Variants in ADD2 observed in about 807,000 individuals in gnomAD.
ADD2 encodes the protein adducin 2.
ADD2 carries 23 observed loss-of-function variants against 83.0 expected under a neutral mutation model. The observed-to-expected ratio is 0.28, with a 90% CI of 0.20 to 0.39. The LOEUF is 0.39. ADD2 is among the 10% of genes least tolerant of loss of function. ADD2 has a pLI of 1.00. For missense variants in ADD2, 758 were observed against 944.9 expected (o/e 0.80, Z 2.59); for synonymous variants, 375 against 375.4 (o/e 1.00, Z 0.01).
chr2:70,729,591 T>A (rs1673179591), intron 1 of ADD2, among the ~76,000 whole-genome samples: 1 of 152,182 alleles, frequency 6.6e-6, no homozygotes, highest in African/African-American at 2.4e-5. Flanking sequence ...TGGCCTGGGT[T>A]TCTCAGTTTC....
At chr2:70,718,550 C>A (rs782683327) in intron 1 of ADD2, among the ~76,000 whole-genome samples, 148 of 152,224 alleles carry the variant, frequency 9.7e-4, no homozygotes, top group Non-Finnish European at 3.7e-4. Flanking sequence ...GGAAGGGAGA[C>A]TGGAAACCTT....
chr2:70,767,948 G>A lies in ADD2; in HGVS notation c.-216C>T. On this transcript the variant is annotated 5_prime_UTR_variant, in exon 1 of 16. Coordinates refer to ENST00000264436, the MANE Select transcript of ADD2 (RefSeq NM_001617.4). ...TGCGGGTTGGTTTTGTTATTTTATG[G>A]GTTTGGGGGGTGGGGTGCGCTTAAA... 6.5e-7 allele frequency: 1 copy of A among 1,535,868 alleles called. No individual in the cohort carries two copies. Among genetic ancestry groups the A allele is most frequent in the South Asian group, 1.2e-5 (1 of 84,046 alleles).
chr2:70,706,252 G>A lies in ADD2; in HGVS notation c.157C>T (p.Arg53Cys), dbSNP rs1558546892. 1 of 1,614,040 alleles carries A rather than the reference G, an allele frequency of 6.2e-7. No individual in the cohort carries two copies. Among genetic ancestry groups the A allele is most frequent in the South Asian group, 1.1e-5 (1 of 91,070 alleles). The change falls in exon 3 of 16, where the codon CGC becomes TGC. Residue 53 changes from arginine to cysteine, a missense_variant. By Grantham distance (180) the Arg-to-Cys change is radical. Coordinates refer to ENST00000264436, the MANE Select transcript of ADD2 (RefSeq NM_001617.4). The surrounding 1 kb of genome is among the most constrained non-coding windows in gnomAD (Gnocchi z 5.0). Reference protein sequence around the residue: ...QDFNLMEQKKRVTMILQSPSF... With the variant: ...QDFNLMEQKKCVTMILQSPSF... ...GGACTCTGCAGGATCATGGTGACGCGCTTCTTCTGCTCCATCAGGTTGAAG... is the reference window on the plus strand; with the variant it reads ...GGACTCTGCAGGATCATGGTGACGCACTTCTTCTGCTCCATCAGGTTGAAG...
At chr2:70,730,441 T>G (rs1553379063) in intron 1 of ADD2, among the ~76,000 whole-genome samples, 1 of 152,236 alleles carries the variant, frequency 6.6e-6, no homozygotes, top group African/African-American at 2.4e-5. Context: ...GGCACACATT[T>G]ACACACACCT....
chr2:70,726,267 G>T (rs1423652085), intron 1 of ADD2, among the ~76,000 whole-genome samples: 7 of 149,518 alleles, frequency 4.7e-5, no homozygotes, highest in Admixed American at 6.7e-5. Flanking sequence ...TGGAAACAAA[G>T]GGGCAGAGGT....
chr2:70,746,059 C>T (rs1263159340), intron 1 of ADD2, among the ~76,000 whole-genome samples: 2 of 152,134 alleles, frequency 1.3e-5, no homozygotes, highest in Admixed American at 6.5e-5. Context: ...GTGAGACTGT[C>T]GTTATGATAA....
intron 2 of ADD2, among the ~76,000 whole-genome samples, chr2:70,709,325 C>CAA (rs61422231): frequency 7.5e-5 from 8 of 106,442 alleles, no homozygotes; most frequent in African/African-American, 2.3e-4. Flanking sequence ...GAGTGGGAGC[C>CAA]AAAAAAAAAA....
intron 1 of ADD2, chr2:70,767,541 C>T (rs1553386342): frequency 1.2e-6 from 1 of 847,966 alleles, no homozygotes; most frequent in Non-Finnish European, 1.5e-6. Context: ...GAGGAGCGGC[C>T]CCGCCCGGCT....
At chr2:70,745,261 G>A (rs1674127558) in intron 1 of ADD2, among the ~76,000 whole-genome samples, 1 of 152,062 alleles carries the variant, frequency 6.6e-6, no homozygotes, top group Non-Finnish European at 1.5e-5. Context: ...ACTCCAGCCT[G>A]GGCGACAGAG....
intron 13 of ADD2, 52 bp from the exon 14 acceptor site, chr2:70,674,877 T>G: frequency 1.3e-6 from 2 of 1,577,762 alleles, no homozygotes; most frequent in Non-Finnish European, 1.7e-6. Context: ...GCAGTTGGGG[T>G]GCAGGCCCCA....
chr2:70,747,818 G>A (rs148658198), intron 1 of ADD2, among the ~76,000 whole-genome samples: 115 of 152,282 alleles, frequency 7.6e-4, no homozygotes, highest in African/African-American at 2.7e-3. Flanking sequence ...ATATTACTCA[G>A]TGGAAATTTG....
At chr2:70,704,527 C>T in intron 3 of ADD2, 68 bp from the exon 4 acceptor site, 2 of 1,590,312 alleles carry the variant, frequency 1.3e-6, no homozygotes, top group African/African-American at 1.3e-5. Context: ...ATGAGCTCTT[C>T]CAAGTGCCCA....
intron 1 of ADD2, among the ~76,000 whole-genome samples, chr2:70,761,994 A>G (rs999902875): frequency 6.6e-6 from 1 of 151,814 alleles, no homozygotes; most frequent in Admixed American, 6.6e-5. Context: ...TTTAATGTTA[A>G]TGAAGACTAG....
chr2:70,732,931 T>C (rs1345263278), intron 1 of ADD2, among the ~76,000 whole-genome samples: 1 of 152,114 alleles, frequency 6.6e-6, no homozygotes, highest in East Asian at 1.9e-4. Context: ...GGGGAAACAG[T>C]GTAGGGTTCT....
intron 10 of ADD2, among the ~76,000 whole-genome samples, chr2:70,681,113 G>C: frequency 1.2e-5 from 1 of 85,284 alleles, no homozygotes; most frequent in African/African-American, 3.7e-5. Context: ...GAGGTCACAC[G>C]ATTTGCAACT....
chr2:70,681,825 G>C (rs1172741024), intron 10 of ADD2, among the ~76,000 whole-genome samples: 2 of 151,920 alleles, frequency 1.3e-5, no homozygotes, highest in African/African-American at 4.8e-5. Flanking sequence ...ATAGTGCTAT[G>C]ACCAAGAATA....
chr2:70,747,445 C>T (rs1674274726), intron 1 of ADD2, among the ~76,000 whole-genome samples: 1 of 151,210 alleles, frequency 6.6e-6, no homozygotes, highest in African/African-American at 2.4e-5. Flanking sequence ...CATGTGCTCT[C>T]CCATCATGCC....
chr2:70,745,263 G>A (rs1053693224), intron 1 of ADD2, among the ~76,000 whole-genome samples: 1 of 152,040 alleles, frequency 6.6e-6, no homozygotes, highest in Non-Finnish European at 1.5e-5. Context: ...TCCAGCCTGG[G>A]CGACAGAGCG....
At chr2:70,751,793 A>G (rs1674517960) in intron 1 of ADD2, among the ~76,000 whole-genome samples, 1 of 152,194 alleles carries the variant, frequency 6.6e-6, no homozygotes, top group Non-Finnish European at 1.5e-5. Context: ...TGTAACTGTG[A>G]TAACCAGCAC....
Sources: gnomAD v4.1 joint callset for allele counts (sites outside exome capture counted in the v4.1 genomes callset) on GRCh38, gnomAD v4.1.1 for gene constraint, Gnocchi (gnomAD v3.1) non-coding constraint, MANE v1.5 for transcripts, NCBI Gene and HGNC (gene_info 2026-07-23, HGNC 2026-07-21) for gene names.